AREG: variants seen among roughly 807,000 people sequenced by gnomAD.
AREG encodes amphiregulin.
AREG carries 16 observed loss-of-function variants against 28.0 expected under a neutral mutation model. That is an observed-to-expected ratio of 0.57 (90% CI 0.39 to 0.87). The LOEUF is 0.87. Ranked by LOEUF, AREG falls within the 40% of genes least tolerant of loss-of-function variation. AREG has a pLI of 0.00. For synonymous variants in AREG, 113 were observed against 113.5 expected (o/e 1.00, Z 0.02); for missense variants, 287 against 309.1 (o/e 0.93, Z 0.53).
intron 4 of AREG, among the ~76,000 whole-genome samples, chr4:74,451,061 T>C (rs1719373176): frequency 1.3e-5 from 2 of 152,212 alleles, no homozygotes; most frequent in Non-Finnish European, 2.9e-5. Context: ...TACTTAGAGC[T>C]TATGCTTATT....
chr4:74,451,710 C>T (rs1215382192), intron 4 of AREG, among the ~76,000 whole-genome samples: 1 of 152,066 alleles, frequency 6.6e-6, no homozygotes, highest in Non-Finnish European at 1.5e-5. Context: ...ACAAAACAAT[C>T]GCTAGTTAAG....
Position 74,446,644 on chromosome 4 carries a change from T to G in AREG, c.172T>G (p.Ser58Ala). 1 of 1,613,982 alleles carries G rather than the reference T, an allele frequency of 6.2e-7. No homozygotes were observed. ...GFEVTSRSEM[S>A]SGSEISPVSE... Reference sequence around the variant, plus strand: ...TGAGGTTACCTCAAGAAGTGAGATGTCTTCAGGGAGTGAGATTTCCCCTGT... The same window carrying G: ...TGAGGTTACCTCAAGAAGTGAGATGGCTTCAGGGAGTGAGATTTCCCCTGT... Residue 58 changes from serine (S) to alanine (A), a missense_variant, in exon 2 of 6, where the codon TCT becomes GCT. Transcript: ENST00000395748.
At chr4:74,451,554 A>G (rs917879869) in intron 4 of AREG, among the ~76,000 whole-genome samples, 3 of 152,200 alleles carry the variant, frequency 2.0e-5, no homozygotes, top group Non-Finnish European at 4.4e-5. Context: ...AAATTGTTTC[A>G]TCATGCATAT....
At chr4:74,453,573 G>A (rs1433049892) in intron 5 of AREG, among the ~76,000 whole-genome samples, 2 of 152,116 alleles carry the variant, frequency 1.3e-5, no homozygotes, top group Non-Finnish European at 2.9e-5. Context: ...GAAAGATGAT[G>A]TCATTTCAGT....
intron 2 of AREG, among the ~76,000 whole-genome samples, chr4:74,448,229 C>T (rs1430718302): frequency 6.6e-6 from 1 of 152,146 alleles, no homozygotes; most frequent in South Asian, 2.1e-4. Context: ...GCTTTTTTAT[C>T]GTCAGAGAAA....
At position 74,446,721 on chromosome 4, in the gene AREG, C is replaced by T; in HGVS notation, c.249C>T (p.Tyr83=). 6.2e-7 allele frequency: 1 copy of T among 1,613,954 alleles called. No homozygotes were observed. The highest frequency in any genetic ancestry group is 8.5e-7 in the Non-Finnish European group (1 of 1,179,862). Residue 83 remains tyrosine, a synonymous_variant, in exon 2 of 6, where the codon TAC becomes TAT. Coordinates refer to ENST00000395748, the MANE Select transcript of AREG (RefSeq NM_001657.4). ...CGTCCTCGGGAGCCGACTATGACTA[C>T]TCAGAAGAGTATGATAACGAACCAC... The part of the protein sequence containing the change: ...SEPSSGADYD[Y]SEEYDNEPQI...
Position 74,454,821 on chromosome 4 carries a change from T to A in AREG, c.*81T>A, listed in dbSNP as rs1456496105. The A allele has an allele frequency of 2.9e-6, 2 of 700,310 alleles. No homozygotes were observed. Among genetic ancestry groups the A allele is most frequent in the African/African-American group, 3.5e-5 (2 of 57,220 alleles). 43.4% of individuals were successfully genotyped at this position (700,310 alleles called of 1,614,324 possible). ...AATGATGAGTCGGTCCTCTTTCCAGTGGATCATAAGACAATGGACCCTTTT... is the reference window on the plus strand; with the variant it reads ...AATGATGAGTCGGTCCTCTTTCCAGAGGATCATAAGACAATGGACCCTTTT... On this transcript the variant is annotated 3_prime_UTR_variant, in exon 6 of 6. Transcript: ENST00000395748.
Position 74,450,368 on chromosome 4 carries a change from A to C in AREG, c.513-12A>C. The C allele has an allele frequency of 6.2e-7, 1 of 1,613,944 alleles. No homozygotes were observed. The highest frequency in any genetic ancestry group is 8.5e-7 in the Non-Finnish European group (1 of 1,179,846). Reference sequence around the variant, plus strand: ...TTTGTGATTATAATTTTTAAATGTGAATTGCTTGCAGATGTCAGCAAGAAT... The same window carrying C: ...TTTGTGATTATAATTTTTAAATGTGCATTGCTTGCAGATGTCAGCAAGAAT... On this transcript the variant is annotated splice_polypyrimidine_tract_variant and intron_variant, in intron 3 of 5. Transcript: ENST00000395748.
At position 74,448,992 on chromosome 4, in the gene AREG, C is replaced by G. The variant is rs991123824; in HGVS notation, c.311-55C>G. ...GCTATGACATCTTTCTCTCATGTCT[C>G]TAAAATTATATTCAAGTTTGAGAGA... On this transcript the variant is annotated intron_variant, in intron 2 of 5. Coordinates refer to ENST00000395748, the MANE Select transcript of AREG (RefSeq NM_001657.4). 2.5e-6 allele frequency: 4 copies of G among 1,598,788 alleles called. No individual in the cohort carries two copies. The Admixed American group carries it at 7.0e-5, about 28-fold the overall frequency.
At position 74,446,802 on chromosome 4, in the gene AREG, A is replaced by G. The variant is rs748714861; in HGVS notation, c.310+20A>G. The stretch of plus-strand genomic sequence containing the variant: ...TCAGAGGTGAGTAGGGGATAAAGCA[A>G]AAATATGGCCTGTGAGATGTGGGTT... On this transcript the variant is annotated intron_variant, in intron 2 of 5. Transcript: ENST00000395748. 38 of 1,613,834 alleles carry G rather than the reference A, an allele frequency of 2.4e-5. No homozygotes were observed. The highest frequency in any genetic ancestry group is 1.6e-4 in the Middle Eastern group (1 of 6,076).
At chr4:74,449,703 C>A (rs28743769) in intron 3 of AREG, among the ~76,000 whole-genome samples, 1 of 152,094 alleles carries the variant, frequency 6.6e-6, no homozygotes, top group Admixed American at 6.6e-5. Context: ...TGCAGTGAGC[C>A]GTGATCGCAC....
chr4:74,450,920 A>G (rs951039622), intron 4 of AREG, among the ~76,000 whole-genome samples: 3 of 152,226 alleles, frequency 2.0e-5, no homozygotes, highest in Non-Finnish European at 2.9e-5. Flanking sequence ...GGTTCGTAGT[A>G]TCAGACATAC....
At chr4:74,450,558 C>G (rs1719365570) in intron 4 of AREG, 26 bp downstream of exon 4, 1 of 1,611,304 alleles carries the variant, frequency 6.2e-7, no homozygotes, top group East Asian at 2.2e-5. Flanking sequence ...CTTACAAATT[C>G]TTAATAAAAT....
intron 3 of AREG, among the ~76,000 whole-genome samples, chr4:74,450,056 C>A (rs1464613541): frequency 6.6e-6 from 1 of 152,036 alleles, no homozygotes; most frequent in African/African-American, 2.4e-5. Flanking sequence ...CCGCTTACCT[C>A]CCACAAGCAG....
chr4:74,452,470 T>TA, intron 4 of AREG, 74 bp from the exon 5 acceptor site: 2 of 1,568,882 alleles, frequency 1.3e-6, no homozygotes, highest in Non-Finnish European at 1.7e-6. Flanking sequence ...GAACCCCCTC[T>TA]ACTCATAAAA....
rs1719439850 is a variant in AREG, at chr4:74,454,876, C to T, written c.*136C>T. 1.4e-6 allele frequency: 1 copy of T among 699,006 alleles called. No homozygotes were observed. Among genetic ancestry groups the T allele is most frequent in the South Asian group, 1.5e-5 (1 of 67,002 alleles). The allele number at this position is 699,006 out of a possible 1,614,324, so 43.3% of individuals were successfully genotyped here. A position where few individuals can be genotyped will look rare whatever the true frequency, so the allele number is the denominator to read the frequency against. ...ATGATGGTTTTAAACTTTCAATTGT[C>T]ACTTTTTATGCTATTTCTGTATATA... On this transcript the variant is annotated 3_prime_UTR_variant, in exon 6 of 6. Coordinates refer to ENST00000395748, the MANE Select transcript of AREG (RefSeq NM_001657.4).
At chr4:74,445,461 C>T (rs1719266359) in intron 1 of AREG, 55 bp downstream of exon 1, 6 of 1,575,596 alleles carry the variant, frequency 3.8e-6, no homozygotes, top group Middle Eastern at 1.7e-4. Context: ...CAGGTTTTGC[C>T]TCTTGAGTTT....
At chr4:74,452,450 T>A in intron 4 of AREG, 94 bp from the exon 5 acceptor site, 4 of 1,430,776 alleles carry the variant, frequency 2.8e-6, no homozygotes, top group Non-Finnish European at 2.9e-6. Flanking sequence ...CTATCACTAC[T>A]CATGAAGTGG....
In AREG at chr4:74,454,839, A is replaced by G; in HGVS notation, c.*99A>G. ...TTTCCAGTGGATCATAAGACAATGG[A>G]CCCTTTTTGTTATGATGGTTTTAAA... On this transcript the variant is annotated 3_prime_UTR_variant, in exon 6 of 6. Coordinates refer to ENST00000395748, the MANE Select transcript of AREG (RefSeq NM_001657.4). 1.4e-6 allele frequency: 1 copy of G among 699,894 alleles called. No individual in the cohort carries two copies. The highest frequency in any genetic ancestry group is 2.7e-5 in the East Asian group (1 of 37,124). The allele number at this position is 699,894 out of a possible 1,614,324, so 43.4% of individuals were successfully genotyped here. A position where few individuals can be genotyped will look rare whatever the true frequency, so the allele number is the denominator to read the frequency against.
Sources: allele counts gnomAD v4.1 joint callset (sites outside exome capture counted in the v4.1 genomes callset), GRCh38; gene constraint gnomAD v4.1.1; transcripts MANE v1.5; gene names NCBI Gene and HGNC (gene_info 2026-07-23, HGNC 2026-07-21).